NR2F1-AS1: variants seen among roughly 807,000 people sequenced by gnomAD.
NR2F1-AS1 encodes NR2F1 antisense RNA 1.
chr5:93,565,999 C>T (rs1049757356), intron 1 of NR2F1-AS1, among the ~76,000 whole-genome samples: 1 of 151,734 alleles, frequency 6.6e-6, no homozygotes, highest in African/African-American at 2.4e-5. Context: ...TCAAGAGTCA[C>T]ATCTAGTAGC....
chr5:93,432,114 T>C lies in NR2F1-AS1; in HGVS notation n.639-36572A>G, dbSNP rs545588371. On this transcript the variant is annotated intron_variant and non_coding_transcript_variant, in intron 4 of 5. Coordinates refer to ENST00000660523, the Ensembl canonical transcript of NR2F1-AS1. ...TAAAAATACCACATCTTATTTATTA[T>C]TATTGCTTGTCAGAACACCTGTGCT... is the stretch of plus-strand genomic sequence containing the variant. Among the ~76,000 whole-genome samples the C allele has an allele frequency of 2.3e-3, 356 of 152,360 alleles. 1 individual carries two copies. Among genetic ancestry groups the C allele is most frequent in the Non-Finnish European group, 4.1e-3 (280 of 68,032 alleles).
intron 4 of NR2F1-AS1, among the ~76,000 whole-genome samples, chr5:93,527,991 C>CA (rs1374147989): frequency 2.0e-5 from 3 of 152,140 alleles, no homozygotes; most frequent in Non-Finnish European, 4.4e-5. Context: ...GCCAAACTAA[C>CA]AAACAGGATC....
At chr5:93,534,334 T>C (rs1318698054) in intron 4 of NR2F1-AS1, among the ~76,000 whole-genome samples, 1 of 152,168 alleles carries the variant, frequency 6.6e-6, no homozygotes, top group African/African-American at 2.4e-5. Context: ...AAGATGCCAA[T>C]ACATGTGTTC....
chr5:93,566,661 T>G (rs996414015), intron 1 of NR2F1-AS1, among the ~76,000 whole-genome samples: 1 of 152,048 alleles, frequency 6.6e-6, no homozygotes, highest in Non-Finnish European at 1.5e-5. Context: ...TGGTAGAACC[T>G]TTCTGGAAAA....
chr5:93,449,159 G>A (rs939970403), intron 4 of NR2F1-AS1, among the ~76,000 whole-genome samples: 12 of 152,046 alleles, frequency 7.9e-5, no homozygotes, highest in East Asian at 1.9e-4. Flanking sequence ...TAGTACCTCC[G>A]AAGTTACATA....
intron 4 of NR2F1-AS1, among the ~76,000 whole-genome samples, chr5:93,498,203 A>C (rs958336516): frequency 6.6e-6 from 1 of 151,990 alleles, no homozygotes; most frequent in African/African-American, 2.4e-5. Flanking sequence ...AAACAGAATA[A>C]GTCTTACAAC....
chr5:93,542,734 G>A (rs1751981545), intron 4 of NR2F1-AS1: 1 of 152,170 alleles, frequency 6.6e-6, no homozygotes, highest in South Asian at 2.1e-4. Context: ...TTTGCCTTGA[G>A]GACATTTGCC....
intron 4 of NR2F1-AS1, among the ~76,000 whole-genome samples, chr5:93,516,215 A>G (rs1376443116): frequency 6.6e-6 from 1 of 151,884 alleles, no homozygotes; most frequent in Non-Finnish European, 1.5e-5. Flanking sequence ...GAAGTAAACA[A>G]GGTCAAAAGG....
chr5:93,442,657 T>C (rs1749598510), intron 4 of NR2F1-AS1, among the ~76,000 whole-genome samples: 1 of 152,184 alleles, frequency 6.6e-6, no homozygotes, highest in African/African-American at 2.4e-5. Context: ...TTGTGTACAC[T>C]TAAACGTCCC....
At chr5:93,526,209 CAG>C (rs910452569) in intron 4 of NR2F1-AS1, among the ~76,000 whole-genome samples, 37 of 152,236 alleles carry the variant, frequency 2.4e-4, no homozygotes, top group African/African-American at 6.7e-4. Context: ...AGACTACCAT[CAG>C]AATGCTATAA....
chr5:93,559,234 T>C (rs953714371), intron 2 of NR2F1-AS1, among the ~76,000 whole-genome samples: 2 of 152,248 alleles, frequency 1.3e-5, no homozygotes, highest in African/African-American at 4.8e-5. Context: ...ACTTATACTT[T>C]TATGTTCTGG....
At chr5:93,452,010 G>A (rs776472741) in intron 4 of NR2F1-AS1, among the ~76,000 whole-genome samples, 2 of 151,980 alleles carry the variant, frequency 1.3e-5, no homozygotes, top group Non-Finnish European at 2.9e-5. Context: ...AATTAATTTA[G>A]AATTATCTAA....
chr5:93,506,980 T>C (rs1320538381), intron 4 of NR2F1-AS1, among the ~76,000 whole-genome samples: 2 of 152,194 alleles, frequency 1.3e-5, no homozygotes, highest in Non-Finnish European at 2.9e-5. Context: ...TATGTCTACA[T>C]ACACATATCT....
intron 4 of NR2F1-AS1, among the ~76,000 whole-genome samples, chr5:93,535,953 G>T (rs888906942): frequency 2.0e-5 from 3 of 152,036 alleles, no homozygotes; most frequent in African/African-American, 4.8e-5. Context: ...TCTAAGTAGA[G>T]CAATTAGACA....
chr5:93,411,042 G>A (rs1748845212), intron 4 of NR2F1-AS1: 1 of 152,078 alleles, frequency 6.6e-6, no homozygotes, highest in African/African-American at 2.4e-5. Context: ...TGTATTTATT[G>A]TCTTGGGGAT....
intron 4 of NR2F1-AS1, among the ~76,000 whole-genome samples, chr5:93,450,914 C>CAAAAAAAAAAAAAA (rs60895927): frequency 3.7e-5 from 2 of 54,048 alleles, no homozygotes; most frequent in Non-Finnish European, 8.0e-5. Flanking sequence ...GAATCTGCTT[C>CAAAAAAAAAAAAAA]AAAAAAAAAA....
chr5:93,462,755 A>C (rs116518711), intron 4 of NR2F1-AS1, among the ~76,000 whole-genome samples: 4,483 of 152,264 alleles, frequency 0.029, 213 homozygotes, highest in African/African-American at 0.1. Context: ...CCCTTGCTAT[A>C]TTTTAGCAAA....
chr5:93,509,041 A>G (rs1056581252), intron 4 of NR2F1-AS1, among the ~76,000 whole-genome samples: 1 of 152,154 alleles, frequency 6.6e-6, no homozygotes, highest in Non-Finnish European at 1.5e-5. Context: ...GAACAAGGAT[A>G]AAAGTGTTCC....
At chr5:93,578,910 A>G (rs897278556) in intron 1 of NR2F1-AS1, among the ~76,000 whole-genome samples, 1 of 152,206 alleles carries the variant, frequency 6.6e-6, no homozygotes, top group Non-Finnish European at 1.5e-5. Context: ...GCCCAGGACA[A>G]GTGTGCCAAT....
Sources: gnomAD v4.1 joint callset for allele counts (sites outside exome capture counted in the v4.1 genomes callset) on GRCh38, gnomAD v4.1.1 for gene constraint, MANE v1.5 for transcripts, NCBI Gene and HGNC (gene_info 2026-07-23, HGNC 2026-07-21) for gene names.